ARID2: variants seen among roughly 807,000 people sequenced by gnomAD.
The protein encoded by ARID2 is AT-rich interactive domain-containing protein 2.
ARID2 carries 32 observed loss-of-function variants against 184.6 expected under a neutral mutation model. That is an observed-to-expected ratio of 0.17 (90% CI 0.13 to 0.23). The LOEUF is 0.23. ARID2 is among the 10% of genes least tolerant of loss of function. ARID2 has a pLI of 1.00. For synonymous variants in ARID2, 836 were observed against 772.6 expected, an observed-to-expected ratio of 1.08 and a Z score of -1.36; for missense variants, 1,696 against 2,197.6, an observed-to-expected ratio of 0.77 and a Z score of 4.56.
intron 3 of ARID2, among the ~76,000 whole-genome samples, chr12:45,736,132 C>T (rs1941114606): frequency 6.6e-6 from 1 of 152,048 alleles, no homozygotes; most frequent in Non-Finnish European, 1.5e-5. Context: ...CCAAGGCAGG[C>T]GAATCACAAG....
At chr12:45,775,614 G>T (rs2138030498) in intron 3 of ARID2, among the ~76,000 whole-genome samples, 1 of 152,302 alleles carries the variant, frequency 6.6e-6, no homozygotes, top group South Asian at 2.1e-4. Context: ...TATTGGAACT[G>T]TCTGTTTTAA....
chr12:45,770,163 G>A (rs936253220), intron 3 of ARID2, among the ~76,000 whole-genome samples: 1 of 151,924 alleles, frequency 6.6e-6, no homozygotes, highest in Non-Finnish European at 1.5e-5. Context: ...TGAGGCAGGA[G>A]AATGGCGTGA....
intron 3 of ARID2, among the ~76,000 whole-genome samples, chr12:45,739,735 T>C (rs1262025403): frequency 6.6e-6 from 1 of 152,162 alleles, no homozygotes; most frequent in Non-Finnish European, 1.5e-5. Context: ...GAAATTTTAT[T>C]CTGTCTCTAT....
rs140593836 is a variant in ARID2, at chr12:45,876,333, G to A, written c.4922+15384G>A. Among the ~76,000 whole-genome samples the A allele has an allele frequency of 3.7e-3, 558 of 151,556 alleles. 1 individual carries two copies. The highest frequency in any genetic ancestry group is 6.1e-3 in the Non-Finnish European group (416 of 67,774). ...TGGGAGGCCGAGGCGGGTGGATCAC[G>A]TGAGGTTGGGAGTTCAAGACCACCC... On this transcript the variant is annotated intron_variant, in intron 16 of 20. Coordinates refer to ENST00000334344, the MANE Select transcript of ARID2 (RefSeq NM_152641.4).
chr12:45,895,742 C>G (rs1944360834), intron 20 of ARID2, among the ~76,000 whole-genome samples: 1 of 152,118 alleles, frequency 6.6e-6, no homozygotes, highest in East Asian at 1.9e-4. Context: ...ACCATGTTGG[C>G]CAGTTTGGTC....
chr12:45,899,868 T>C (rs899325811), intron 20 of ARID2, among the ~76,000 whole-genome samples: 1 of 151,290 alleles, frequency 6.6e-6, no homozygotes, highest in Non-Finnish European at 1.5e-5. Flanking sequence ...ATGTTACTAT[T>C]TCTTAACTTA....
At chr12:45,812,390 A>G (rs1246111538) in intron 4 of ARID2, among the ~76,000 whole-genome samples, 1 of 151,694 alleles carries the variant, frequency 6.6e-6, no homozygotes, top group South Asian at 2.1e-4. Context: ...TTTTCGTATT[A>G]TCTATTTTCA....
At chr12:45,844,947 A>G (rs530931416) in intron 11 of ARID2, among the ~76,000 whole-genome samples, 44 of 152,336 alleles carry the variant, frequency 2.9e-4, no homozygotes, top group East Asian at 1.4e-3. Flanking sequence ...ATTCTCATGC[A>G]AAGCAGTTTT....
intron 20 of ARID2, among the ~76,000 whole-genome samples, chr12:45,895,372 G>A (rs1485201806): frequency 6.6e-6 from 1 of 152,176 alleles, no homozygotes; most frequent in East Asian, 1.9e-4. Context: ...AATGCCCCAT[G>A]TGTTGCATGT....
chr12:45,852,363 A>G lies in ARID2; in HGVS notation c.4240A>G (p.Arg1414Gly), dbSNP rs2138178188. 9 of 1,614,214 alleles carry G rather than the reference A, an allele frequency of 5.6e-6. No homozygotes were observed. The highest frequency in any genetic ancestry group is 6.8e-6 in the Non-Finnish European group (8 of 1,180,028). ...TACTGCCAAAGGTGATCAACTAGAA[A>G]GAATTTCTAATGGACCTGTATTAAC... ...QDTAKGDQLE[R>G]ISNGPVLTLG... Residue 1414 changes from arginine to glycine, a missense_variant, in exon 15 of 21, where the codon AGA becomes GGA. Physicochemically the swap from Arg to Gly is moderately radical, Grantham distance 125. This residue lies in a region of ARID2 where 428 missense variants were observed against 409.1 expected (regional missense o/e 1.05). Transcript: ENST00000334344.
chr12:45,737,844 C>T (rs755857030), intron 3 of ARID2, among the ~76,000 whole-genome samples: 2 of 152,068 alleles, frequency 1.3e-5, no homozygotes, highest in Admixed American at 1.3e-4. Flanking sequence ...TCTAGGGGCA[C>T]CTGCTCAAGC....
At chr12:45,815,134 G>C (rs1188602434) in intron 4 of ARID2, among the ~76,000 whole-genome samples, 1 of 152,130 alleles carries the variant, frequency 6.6e-6, no homozygotes, top group Non-Finnish European at 1.5e-5. Flanking sequence ...GACTGCGACA[G>C]ATAAGGAATA....
At chr12:45,762,269 T>C (rs1236127290) in intron 3 of ARID2, among the ~76,000 whole-genome samples, 8 of 152,168 alleles carry the variant, frequency 5.3e-5, no homozygotes, top group African/African-American at 1.9e-4. Flanking sequence ...ATTTAGAGAG[T>C]GAGAGATGGA....
At position 45,847,968 on chromosome 12, in the gene ARID2, AG is replaced by A. The variant is rs549156430; in HGVS notation, c.1581-866del. 1.1e-4 allele frequency among the ~76,000 whole-genome samples: 16 copies of A among 152,194 alleles called. No homozygotes were observed. The South Asian group carries it at 3.1e-3, about 30-fold the overall frequency. On this transcript the variant is annotated intron_variant, in intron 12 of 20. Coordinates refer to ENST00000334344, the MANE Select transcript of ARID2 (RefSeq NM_152641.4). Reference sequence around the variant, plus strand: ...GTCTTTTTGAAATTTCAGTACAGACAGGATTATGAAAGTTGGAAAGAATACA... The same window carrying A: ...GTCTTTTTGAAATTTCAGTACAGACAGATTATGAAAGTTGGAAAGAATACA...
At chr12:45,778,072 G>C (rs1942018409) in intron 3 of ARID2, among the ~76,000 whole-genome samples, 1 of 152,050 alleles carries the variant, frequency 6.6e-6, no homozygotes, top group Non-Finnish European at 1.5e-5. Flanking sequence ...CGGGTGTGGT[G>C]GCAGGCGCCC....
chr12:45,795,059 G>GT (rs1028022717), intron 3 of ARID2, among the ~76,000 whole-genome samples: 293 of 147,468 alleles, frequency 2.0e-3, no homozygotes, highest in African/African-American at 6.8e-3. Flanking sequence ...ATTCTGCAAG[G>GT]TTTTTTTTTT....
intron 15 of ARID2, 143 bp downstream of exon 15, chr12:45,853,039 T>G (rs1320178700): frequency 3.9e-6 from 5 of 1,275,728 alleles, no homozygotes; most frequent in Admixed American, 3.6e-5. Context: ...CTTTTCTTTT[T>G]CTCTGGTTTT....
rs1042251174 is a variant in ARID2 at position 45,852,647 on chromosome 12, C to T, written c.4524C>T (p.Gly1508=). ...ALSSDVRSTN[G]TAECKTVKRP... ...CATCTGACGTTCGGTCTACAAATGG[C>T]ACAGCAGAATGCAAAACTGTAAAGA... The change falls in exon 15 of 21, where the codon GGC becomes GGT. Residue 1508 remains glycine, a synonymous_variant. Transcript: ENST00000334344. 4 of 1,614,138 alleles carry T rather than the reference C, an allele frequency of 2.5e-6. No homozygotes were observed. In the Admixed American group the frequency reaches 6.7e-5, roughly 27 times the overall value.
intron 6 of ARID2, among the ~76,000 whole-genome samples, chr12:45,826,916 A>T (rs918623458): frequency 1.3e-5 from 2 of 152,058 alleles, no homozygotes; most frequent in African/African-American, 4.8e-5. Context: ...TGTTCTTTTC[A>T]CTTATTACAA....
Sources: allele counts gnomAD v4.1 joint callset (sites outside exome capture counted in the v4.1 genomes callset), GRCh38; gene constraint gnomAD v4.1.1; regional missense constraint gnomAD v4.1.1; transcripts MANE v1.5; gene names NCBI Gene and HGNC (gene_info 2026-07-23, HGNC 2026-07-21).